Variants in TPBG observed in about 807,000 individuals in gnomAD.
TPBG encodes trophoblast glycoprotein, also known as 5T4 oncofetal antigen.
A neutral mutation model predicts 19.3 loss-of-function variants in TPBG; 13 were observed. The observed-to-expected ratio is 0.67, with a 90% CI of 0.44 to 1.07. The LOEUF is 1.07. Among genes scored for constraint, TPBG ranks in the 50% least tolerant of loss-of-function variants. TPBG has a pLI of 0.00. For synonymous variants in TPBG, 338 were observed against 259.8 expected, an observed-to-expected ratio of 1.30 and a Z score of -2.89; for missense variants, 642 against 559.6, an observed-to-expected ratio of 1.15 and a Z score of -1.49.
In TPBG at chr6:82,366,287, A is replaced by G. The variant is rs556232406; in HGVS notation, c.*63A>G. The G allele has an allele frequency of 8.5e-5, 128 of 1,505,170 alleles. No individual in the cohort carries two copies. The African/African-American group carries it at 1.6e-3, about 18-fold the overall frequency. 93.2% of individuals were successfully genotyped at this position (1,505,170 alleles called of 1,614,324 possible). A position where few individuals can be genotyped will look rare whatever the true frequency, so the allele number is the denominator to read the frequency against. On this transcript the variant is annotated 3_prime_UTR_variant, in exon 2 of 2. Coordinates refer to ENST00000369750, the MANE Select transcript of TPBG (RefSeq NM_001376922.1). ...AGATGTAGACTTAAGCTTTATCCCT[A>G]CTAGGCTTGCTCCACTTTCATCCTC...
chr6:82,366,332 T>C lies in TPBG; in HGVS notation c.*108T>C. ...ATCCTCCACTATAGATACAACGGAC[T>C]TTGACTAAAAGCAGTGAAGGGGATT... On this transcript the variant is annotated 3_prime_UTR_variant, in exon 2 of 2. Transcript: ENST00000369750. 7.6e-7 allele frequency: 1 copy of C among 1,315,904 alleles called. No homozygotes were observed. The highest frequency in any genetic ancestry group is 1.0e-6 in the Non-Finnish European group (1 of 978,880). 81.5% of individuals were successfully genotyped at this position (1,315,904 alleles called of 1,614,324 possible).
At position 82,365,057 on chromosome 6, in the gene TPBG, T is replaced by A; in HGVS notation, c.96T>A (p.Ser32=). ...ALVLLGWVSS[S]SPTSSASSFS... ...TACTCCTGGGCTGGGTCTCCTCGTC[T>A]TCTCCCACCTCCTCGGCATCCTCCT... is the stretch of plus-strand genomic sequence containing the variant. Residue 32 remains serine, a synonymous_variant, in exon 2 of 2, where the codon TCT becomes TCA. Transcript: ENST00000369750. The A allele has an allele frequency of 6.4e-7, 1 of 1,551,890 alleles. No individual in the cohort carries two copies. The highest frequency in any genetic ancestry group is 8.7e-7 in the Non-Finnish European group (1 of 1,147,892).
Position 82,366,527 on chromosome 6 carries a change from G to T in TPBG, c.*303G>T. On this transcript the variant is annotated 3_prime_UTR_variant, in exon 2 of 2. Transcript: ENST00000369750. ...CTTCTTGCTGTCTGTCTCTCTCTCA[G>T]TACAGTTCAAGGTGTAGCAAGTGTA... 2 of 273,648 alleles carry T rather than the reference G, an allele frequency of 7.3e-6. No individual in the cohort carries two copies. The highest frequency in any genetic ancestry group is 1.1e-4 in the South Asian group (1 of 9,080). The allele number at this position is 273,648 out of a possible 1,614,324, so 17.0% of individuals were successfully genotyped here.
rs946385746 is a variant in TPBG at position 82,365,604 on chromosome 6, T to G, written c.643T>G (p.Leu215Val). 1.2e-6 allele frequency: 2 copies of G among 1,601,408 alleles called. No homozygotes were observed. Among genetic ancestry groups the G allele is most frequent in the Non-Finnish European group, 1.7e-6 (2 of 1,173,730 alleles). The change falls in exon 2 of 2, where the codon TTG becomes GTG. Residue 215 changes from leucine (L) to valine (V), a missense_variant. Leu to Val is a conservative substitution (Grantham distance 32). Coordinates refer to ENST00000369750, the MANE Select transcript of TPBG (RefSeq NM_001376922.1). ...CCGTGCACTGCAGGGGCTCCGCCGCTTGGAGCTGGCCAGCAACCACTTCCT... is the reference window on the plus strand; with the variant it reads ...CCGTGCACTGCAGGGGCTCCGCCGCGTGGAGCTGGCCAGCAACCACTTCCT... The part of the protein sequence containing the change: ...AGRALQGLRR[L>V]ELASNHFLYL...
Position 82,364,776 on chromosome 6 carries a change from C to T in TPBG, c.-186C>T. The stretch of plus-strand genomic sequence containing the variant: ...AGGGAAGGGGCGGGGGAATCGGCCC[C>T]TGAGGGAAGCGCCCGGTGGCGAGGG... On this transcript the variant is annotated 5_prime_UTR_variant, in exon 2 of 2. Transcript: ENST00000369750. The T allele has an allele frequency of 2.0e-6, 1 of 504,066 alleles. No homozygotes were observed. Among genetic ancestry groups the T allele is most frequent in the Non-Finnish European group, 3.3e-6 (1 of 299,896 alleles). The allele number at this position is 504,066 out of a possible 1,614,324, so 31.2% of individuals were successfully genotyped here.
Position 82,365,606 on chromosome 6 carries a change from G to A in TPBG, c.645G>A (p.Leu215=). The change falls in exon 2 of 2, where the codon TTG becomes TTA. Residue 215 remains leucine, a synonymous_variant. Transcript: ENST00000369750. ...GTGCACTGCAGGGGCTCCGCCGCTT[G>A]GAGCTGGCCAGCAACCACTTCCTTT... The part of the protein sequence containing the change: ...AGRALQGLRR[L]ELASNHFLYL... 1 of 1,601,896 alleles carries A rather than the reference G, an allele frequency of 6.2e-7. No homozygotes were observed. The highest frequency in any genetic ancestry group is 8.5e-7 in the Non-Finnish European group (1 of 1,173,890).
Position 82,365,948 on chromosome 6 carries a change from G to A in TPBG, c.987G>A (p.Met329Ile), listed in dbSNP as rs1184680874. The change falls in exon 2 of 2, where the codon ATG becomes ATA. Residue 329 changes from methionine to isoleucine, a missense_variant. Physicochemically the swap from Met to Ile is conservative, Grantham distance 10. Transcript: ENST00000369750. ...TCACCTGTGCATATCCGGAAAAAAT[G>A]AGGAATCGGGTCCTCTTGGAACTCA... ...DRLTCAYPEK[M>I]RNRVLLELNS... 1 of 1,614,042 alleles carries A rather than the reference G, an allele frequency of 6.2e-7. No homozygotes were observed. The highest frequency in any genetic ancestry group is 1.3e-5 in the African/African-American group (1 of 74,920).
Position 82,364,630 on chromosome 6 carries a change from A to G in TPBG, c.-332A>G. 1 of 308,194 alleles carries G rather than the reference A, an allele frequency of 3.2e-6. No individual in the cohort carries two copies. Among genetic ancestry groups the G allele is most frequent in the Non-Finnish European group, 5.9e-6 (1 of 170,268 alleles). 19.1% of individuals were successfully genotyped at this position (308,194 alleles called of 1,614,324 possible). A position where few individuals can be genotyped will look rare whatever the true frequency, so the allele number is the denominator to read the frequency against. On this transcript the variant is annotated 5_prime_UTR_variant, in exon 2 of 2. Transcript: ENST00000369750. Reference sequence around the variant, plus strand: ...CTCTCCTGCTTGTCCCAGGTCCCTCAGAGGATCCAGCGAGGGGCGCCAACA... The same window carrying G: ...CTCTCCTGCTTGTCCCAGGTCCCTCGGAGGATCCAGCGAGGGGCGCCAACA...
rs1245553810 is a variant in TPBG at position 82,367,249 on chromosome 6, G to T, written c.*1025G>T. 4 of 167,052 alleles carry T rather than the reference G, an allele frequency of 2.4e-5. No individual in the cohort carries two copies. Among genetic ancestry groups the T allele is most frequent in the African/African-American group, 9.7e-5 (4 of 41,434 alleles). The allele number at this position is 167,052 out of a possible 1,614,324, so 10.3% of individuals were successfully genotyped here. A position where few individuals can be genotyped will look rare whatever the true frequency, so the allele number is the denominator to read the frequency against. The stretch of plus-strand genomic sequence containing the variant: ...AGTTTGGGGCTTTTTCAAGGCTAAT[G>T]AAGTTATTGTTGGTCTAGAAAAATA... On this transcript the variant is annotated 3_prime_UTR_variant, in exon 2 of 2. Coordinates refer to ENST00000369750, the MANE Select transcript of TPBG (RefSeq NM_001376922.1).
chr6:82,365,648 G>T lies in TPBG; in HGVS notation c.687G>T (p.Val229=). Residue 229 remains valine (V), a synonymous_variant, in exon 2 of 2, where the codon GTG becomes GTT. Coordinates refer to ENST00000369750, the MANE Select transcript of TPBG (RefSeq NM_001376922.1). The part of the protein sequence containing the change: ...SNHFLYLPRD[V]LAQLPSLRHL... The stretch of plus-strand genomic sequence containing the variant: ...ACTTCCTTTACCTGCCGCGGGATGT[G>T]CTGGCCCAACTGCCCAGCCTCAGGC... 7 of 1,604,848 alleles carry T rather than the reference G, an allele frequency of 4.4e-6. No individual in the cohort carries two copies. Among genetic ancestry groups the T allele is most frequent in the Non-Finnish European group, 6.0e-6 (7 of 1,175,226 alleles).
rs141576111 is a variant in TPBG, at chr6:82,365,514, C to T, written c.553C>T (p.Pro185Ser). ...GGAACTGATCCTGAACCACATCGTG[C>T]CCCCTGAAGATGAGCGGCAGAACCG... is the stretch of plus-strand genomic sequence containing the variant. ...LVELILNHIVPPEDERQNRSF... is the reference protein window; with the variant it reads ...LVELILNHIVSPEDERQNRSF... The change falls in exon 2 of 2, where the codon CCC becomes TCC. Residue 185 changes from proline (P) to serine (S), a missense_variant. By Grantham distance (74) the Pro-to-Ser change is moderately conservative. Coordinates refer to ENST00000369750, the MANE Select transcript of TPBG (RefSeq NM_001376922.1). 275 of 1,582,658 alleles carry T rather than the reference C, an allele frequency of 1.7e-4. No individual in the cohort carries two copies. In the African/African-American group the frequency reaches 3.3e-3, roughly 19 times the overall value.
At position 82,366,323 on chromosome 6, in the gene TPBG, A is replaced by G; in HGVS notation, c.*99A>G. The G allele has an allele frequency of 2.9e-6, 4 of 1,367,820 alleles. No individual in the cohort carries two copies. Among genetic ancestry groups the G allele is most frequent in the Non-Finnish European group, 3.9e-6 (4 of 1,021,106 alleles). The allele number at this position is 1,367,820 out of a possible 1,614,324, so 84.7% of individuals were successfully genotyped here. ...TCCACTTTCATCCTCCACTATAGAT[A>G]CAACGGACTTTGACTAAAAGCAGTG... On this transcript the variant is annotated 3_prime_UTR_variant, in exon 2 of 2. Transcript: ENST00000369750.
Position 82,365,955 on chromosome 6 carries a change from C to T in TPBG, c.994C>T (p.Arg332Trp), listed in dbSNP as rs1254064335. Residue 332 changes from arginine (R) to tryptophan (W), a missense_variant, in exon 2 of 2, where the codon CGG becomes TGG. Arg to Trp is a moderately radical substitution (Grantham distance 101). Transcript: ENST00000369750. Reference sequence around the variant, plus strand: ...TGCATATCCGGAAAAAATGAGGAATCGGGTCCTCTTGGAACTCAACAGTGC... The same window carrying T: ...TGCATATCCGGAAAAAATGAGGAATTGGGTCCTCTTGGAACTCAACAGTGC... ...TCAYPEKMRN[R>W]VLLELNSADL... 6.2e-7 allele frequency: 1 copy of T among 1,614,152 alleles called. No homozygotes were observed. The highest frequency in any genetic ancestry group is 8.5e-7 in the Non-Finnish European group (1 of 1,180,018).
chr6:82,364,745 T>G lies in TPBG; in HGVS notation c.-217T>G. 1 of 458,042 alleles carries G rather than the reference T, an allele frequency of 2.2e-6. No individual in the cohort carries two copies. The highest frequency in any genetic ancestry group is 3.8e-6 in the Non-Finnish European group (1 of 265,104). The allele number at this position is 458,042 out of a possible 1,614,324, so 28.4% of individuals were successfully genotyped here. ...AGCGTCCCGACCCGCCGTGCGTACT[T>G]TCTGGAGGGAAGGGGCGGGGGAATC... On this transcript the variant is annotated 5_prime_UTR_variant, in exon 2 of 2. Coordinates refer to ENST00000369750, the MANE Select transcript of TPBG (RefSeq NM_001376922.1).
chr6:82,364,242 A>G (rs1767405187), intron 1 of TPBG: 1 of 152,330 alleles, frequency 6.6e-6, no homozygotes. Context: ...GGGGGCGGAG[A>G]CACCCGGAGG....
At position 82,365,345 on chromosome 6, in the gene TPBG, CCGCCTGGACGAGGTGCGCGCGGG is replaced by C; in HGVS notation, c.390_412del (p.Asp131ArgfsTer49). The stretch of plus-strand genomic sequence containing the variant: ...TGGCCGCGCTCAACCTCAGCGGCAG[CCGCCTGGACGAGGTGCGCGCGGG>C]CGCCTTCGAGCATCTGCCCAGCCTG... On this transcript the variant is annotated frameshift_variant, in exon 2 of 2. Coordinates refer to ENST00000369750, the MANE Select transcript of TPBG (RefSeq NM_001376922.1). LOFTEE classifies it high-confidence loss of function. The C allele has an allele frequency of 1.9e-6, 3 of 1,577,738 alleles. No homozygotes were observed. Among genetic ancestry groups the C allele is most frequent in the Non-Finnish European group, 2.6e-6 (3 of 1,169,714 alleles).
rs1562155937 is a variant in TPBG at position 82,367,380 on chromosome 6, C to T, written c.*1156C>T. ...ATATAAAGATAAAGTGTCTTAAAGA[C>T]AATATTCTGAAATAAAAGATATAAA... is the stretch of plus-strand genomic sequence containing the variant. On this transcript the variant is annotated 3_prime_UTR_variant, in exon 2 of 2. Transcript: ENST00000369750. 1 of 166,718 alleles carries T rather than the reference C, an allele frequency of 6.0e-6. No individual in the cohort carries two copies. Among genetic ancestry groups the T allele is most frequent in the African/African-American group, 2.4e-5 (1 of 41,386 alleles). The allele number at this position is 166,718 out of a possible 1,614,324, so 10.3% of individuals were successfully genotyped here. A position where few individuals can be genotyped will look rare whatever the true frequency, so the allele number is the denominator to read the frequency against.
Position 82,366,043 on chromosome 6 carries a change from T to G in TPBG, c.1082T>G (p.Ile361Ser). Residue 361 changes from isoleucine to serine, a missense_variant, in exon 2 of 2, where the codon ATT (isoleucine) becomes AGT (serine). Physicochemically the swap from Ile to Ser is moderately radical, Grantham distance 142. Coordinates refer to ENST00000369750, the MANE Select transcript of TPBG (RefSeq NM_001376922.1). ...CAAACCTCTTATGTCTTCCTGGGTA[T>G]TGTTTTAGCCCTGATAGGCGCTATT... is the stretch of plus-strand genomic sequence containing the variant. ...SLQTSYVFLG[I>S]VLALIGAIFL... 1 of 1,614,132 alleles carries G rather than the reference T, an allele frequency of 6.2e-7. No homozygotes were observed. Among genetic ancestry groups the G allele is most frequent in the South Asian group, 1.1e-5 (1 of 91,070 alleles).
In TPBG at chr6:82,367,285, A is replaced by G. The variant is rs1767530908; in HGVS notation, c.*1061A>G. ...TGGTCTAGAAAAATAGTATTTACTT[A>G]ATAAAACTCTGTTTGAAATTGTTCT... On this transcript the variant is annotated 3_prime_UTR_variant, in exon 2 of 2. Coordinates refer to ENST00000369750, the MANE Select transcript of TPBG (RefSeq NM_001376922.1). The G allele has an allele frequency of 6.0e-6, 1 of 167,108 alleles. No individual in the cohort carries two copies. Among genetic ancestry groups the G allele is most frequent in the African/African-American group, 2.4e-5 (1 of 41,480 alleles). The allele number at this position is 167,108 out of a possible 1,614,324, so 10.4% of individuals were successfully genotyped here.
Sources: allele counts gnomAD v4.1 joint callset, GRCh38; gene constraint gnomAD v4.1.1; transcripts MANE v1.5; gene names NCBI Gene and HGNC (gene_info 2026-07-23, HGNC 2026-07-21).